Variants in SLC39A11 observed in about 807,000 individuals in gnomAD.
SLC39A11 encodes the protein solute carrier family 39 member 11.
A neutral mutation model predicts 36.1 loss-of-function variants in SLC39A11; 33 were observed. The observed-to-expected ratio is 0.91, with a 90% CI of 0.69 to 1.22. The LOEUF is 1.22. Among genes scored for constraint, SLC39A11 ranks in the 50% most tolerant of loss-of-function variants. The pLI, the probability that SLC39A11 is intolerant of heterozygous loss-of-function variation, is 0.00. For missense variants in SLC39A11, 432 were observed against 430.3 expected, an observed-to-expected ratio of 1.00 and a Z score of -0.03; for synonymous variants, 166 against 170.3, an observed-to-expected ratio of 0.97 and a Z score of 0.20.
Position 72,891,208 on chromosome 17 carries a change from G to C in SLC39A11, c.431-41404C>G, listed in dbSNP as rs377162879. On this transcript the variant is annotated intron_variant, in intron 5 of 9. Coordinates refer to ENST00000255559, the MANE Select transcript of SLC39A11 (RefSeq NM_139177.4). ...AGGCCAAGGTGAGTGGATCACCCGA[G>C]GTCAGGAGTTCAAGACCAGCCTGAT... is the stretch of plus-strand genomic sequence containing the variant. Among the ~76,000 whole-genome samples the C allele has an allele frequency of 1.4e-4, 21 of 152,170 alleles. No homozygotes were observed. In the East Asian group the frequency reaches 2.7e-3, roughly 20 times the overall value.
chr17:72,866,034 G>C (rs1474781279), intron 5 of SLC39A11, among the ~76,000 whole-genome samples: 1 of 152,176 alleles, frequency 6.6e-6, no homozygotes, highest in African/African-American at 2.4e-5. Flanking sequence ...CCAATACCTG[G>C]GTCATGAACC....
intron 3 of SLC39A11, among the ~76,000 whole-genome samples, chr17:73,044,063 C>T (rs1035525352): frequency 2.0e-5 from 3 of 152,136 alleles, no homozygotes; most frequent in Admixed American, 6.5e-5. Flanking sequence ...TGACCTGACT[C>T]TTCTTAGCTA....
intron 7 of SLC39A11, among the ~76,000 whole-genome samples, chr17:72,669,577 T>C (rs1176859504): frequency 1.3e-5 from 2 of 152,212 alleles, no homozygotes; most frequent in Non-Finnish European, 2.9e-5. Context: ...GAAAACTCGA[T>C]GTGTCTTATT....
At chr17:73,055,222 C>T (rs995898373) in intron 3 of SLC39A11, among the ~76,000 whole-genome samples, 1 of 152,050 alleles carries the variant, frequency 6.6e-6, no homozygotes, top group Admixed American at 6.6e-5. Flanking sequence ...CGTTAGAGTG[C>T]TCCACATTCA....
chr17:72,885,384 T>G (rs367833704), intron 5 of SLC39A11, among the ~76,000 whole-genome samples: 1 of 152,176 alleles, frequency 6.6e-6, no homozygotes, highest in East Asian at 1.9e-4. Flanking sequence ...AACTCTCTAA[T>G]CCTGTAGGCT....
At chr17:73,000,093 T>A (rs1221464061) in intron 4 of SLC39A11, among the ~76,000 whole-genome samples, 2 of 152,134 alleles carry the variant, frequency 1.3e-5, no homozygotes, top group Non-Finnish European at 2.9e-5. Flanking sequence ...TTGCCCACTT[T>A]ATGAGACAAG....
At chr17:72,735,346 C>A (rs1033296640) in intron 7 of SLC39A11, among the ~76,000 whole-genome samples, 4 of 152,014 alleles carry the variant, frequency 2.6e-5, no homozygotes, top group African/African-American at 4.8e-5. Context: ...GTCCTCAGGG[C>A]GCATAAACAG....
intron 7 of SLC39A11, among the ~76,000 whole-genome samples, chr17:72,656,303 G>A (rs921921400): frequency 6.6e-6 from 1 of 152,188 alleles, no homozygotes; most frequent in Admixed American, 6.5e-5. Context: ...ATGGGAAGGA[G>A]AGGGAAGTGG....
intron 4 of SLC39A11, among the ~76,000 whole-genome samples, chr17:73,013,982 C>A (rs145280708): frequency 6.6e-6 from 1 of 152,124 alleles, no homozygotes; most frequent in African/African-American, 2.4e-5. Context: ...TAGCAGTGCC[C>A]CCTGCTGTGC....
intron 4 of SLC39A11, among the ~76,000 whole-genome samples, chr17:72,955,074 T>C (rs985882998): frequency 6.6e-6 from 1 of 152,184 alleles, no homozygotes; most frequent in Non-Finnish European, 1.5e-5. Flanking sequence ...TCAGCTTCAG[T>C]TCATTCCTTG....
chr17:72,663,145 C>T (rs2070553058), intron 7 of SLC39A11, among the ~76,000 whole-genome samples: 1 of 152,210 alleles, frequency 6.6e-6, no homozygotes, highest in Non-Finnish European at 1.5e-5. Flanking sequence ...CCAAGCTATG[C>T]CTTCTTAGCT....
intron 3 of SLC39A11, among the ~76,000 whole-genome samples, chr17:73,060,434 T>C (rs1410636952): frequency 1.3e-5 from 2 of 152,154 alleles, no homozygotes; most frequent in African/African-American, 4.8e-5. Context: ...TGTTGCTTTT[T>C]ATATTCACCT....
intron 3 of SLC39A11, among the ~76,000 whole-genome samples, chr17:73,076,806 T>A (rs1196564039): frequency 6.6e-6 from 1 of 150,662 alleles, no homozygotes; most frequent in Non-Finnish European, 1.5e-5. Flanking sequence ...TTTTTTCTTT[T>A]TTTTTTTTTT....
intron 6 of SLC39A11, 163 bp downstream of exon 6, chr17:72,849,471 G>A (rs570929451): frequency 4.6e-5 from 28 of 613,078 alleles, no homozygotes; most frequent in South Asian, 2.9e-4. Context: ...TATCTATGAC[G>A]ATCAAAAAAT....
intron 5 of SLC39A11, among the ~76,000 whole-genome samples, chr17:72,945,429 G>A (rs571647796): frequency 9.2e-5 from 14 of 152,276 alleles, no homozygotes; most frequent in African/African-American, 3.1e-4. Flanking sequence ...AAGCTTAAGG[G>A]CAAATCCAGA....
intron 4 of SLC39A11, among the ~76,000 whole-genome samples, chr17:72,967,370 C>CAGAGAGAGAGAGAG (rs72044418): frequency 0.1 from 11,431 of 109,540 alleles, 656 homozygotes; most frequent in Non-Finnish European, 0.14. Context: ...TAAGCATGCT[C>CAGAGAGAGAGAGAG]AGAGAGAGAG....
intron 5 of SLC39A11, among the ~76,000 whole-genome samples, chr17:72,940,307 C>G (rs1469449987): frequency 7.0e-6 from 1 of 142,084 alleles, no homozygotes; most frequent in African/African-American, 2.6e-5. Context: ...TGGAGTTTTG[C>G]TCTTGTCGCC....
intron 7 of SLC39A11, among the ~76,000 whole-genome samples, chr17:72,714,693 G>A (rs2073271563): frequency 1.3e-5 from 2 of 152,148 alleles, no homozygotes; most frequent in Admixed American, 1.3e-4. Context: ...TGTCTGTGTT[G>A]AGCCTCCTTG....
At position 73,031,718 on chromosome 17, in the gene SLC39A11, CA is replaced by C; in HGVS notation, c.148-5del. The C allele has an allele frequency of 6.2e-7, 1 of 1,612,710 alleles. No homozygotes were observed. Among genetic ancestry groups the C allele is most frequent in the Non-Finnish European group, 8.5e-7 (1 of 1,179,736 alleles). On this transcript the variant is annotated splice_polypyrimidine_tract_variant and splice_region_variant and intron_variant, in intron 3 of 9. Transcript: ENST00000255559. ...AATAGGAAGCTGCCAACATGACCTA[CA>C]AAAACCACAACGAGAGATAAACGTT...
Sources: gnomAD v4.1 joint callset for allele counts (sites outside exome capture counted in the v4.1 genomes callset) on GRCh38, gnomAD v4.1.1 for gene constraint, MANE v1.5 for transcripts, NCBI Gene and HGNC (gene_info 2026-07-23, HGNC 2026-07-21) for gene names.